Variants in TCF3 observed in about 807,000 individuals in gnomAD.
The protein encoded by TCF3 is transcription factor 3.
TCF3 carries 54 observed loss-of-function variants against 72.3 expected under a neutral mutation model. The observed-to-expected ratio is 0.75, with a 90% CI of 0.60 to 0.94. The LOEUF is 0.94. Among genes scored for constraint, TCF3 ranks in the 40% least tolerant of loss-of-function variants. The pLI is 0.00. For synonymous variants in TCF3, 525 were observed against 412.6 expected (o/e 1.27, Z -3.30); for missense variants, 1,078 against 934.4 (o/e 1.15, Z -2.00).
At position 1,614,515 on chromosome 19, in the gene TCF3, C is replaced by T. The variant is rs886736793; in HGVS notation, c.1822+770G>A. 1.1e-4 allele frequency among the ~76,000 whole-genome samples: 17 copies of T among 151,920 alleles called. No individual in the cohort carries two copies. Among genetic ancestry groups the T allele is most frequent in the Admixed American group, 7.2e-4 (11 of 15,268 alleles). On this transcript the variant is annotated intron_variant, in intron 18 of 18. Coordinates refer to ENST00000262965, the MANE Select transcript of TCF3 (RefSeq NM_003200.5). The surrounding 1 kb of genome is among the most constrained non-coding windows in gnomAD (Gnocchi z 5.6). ...AGCAGAGAGGCGGGCTTGGGGGGCG[C>T]GAGGCGTGCCACACACGGCTGCAGA... is the stretch of plus-strand genomic sequence containing the variant.
Position 1,652,360 on chromosome 19 carries a change from C to CCTT in TCF3, c.-101_-100insAAG. The CCTT allele has an allele frequency of 7.5e-6, 1 of 133,710 alleles. No individual in the cohort carries two copies. The highest frequency in any genetic ancestry group is 7.2e-5 in the Admixed American group (1 of 13,902). 8.3% of individuals were successfully genotyped at this position (133,710 alleles called of 1,614,324 possible). Reference sequence around the variant, plus strand: ...GGGGCGGCGGCATGAAGCGGGGGGGCCCCCCCCCGGACAAAGGTGCGTCGC... The same window carrying CCTT: ...GGGGCGGCGGCATGAAGCGGGGGGGCCTTCCCCCCCCGGACAAAGGTGCGTCGC... On this transcript the variant is annotated 5_prime_UTR_variant, in exon 1 of 19. Transcript: ENST00000262965.
intron 6 of TCF3, among the ~76,000 whole-genome samples, chr19:1,626,020 C>T (rs147284469): frequency 4.0e-4 from 61 of 152,326 alleles, no homozygotes; most frequent in Non-Finnish European, 7.1e-4. Context: ...CGTCTGTGCA[C>T]CCGGCTGCTT....
At chr19:1,634,258 T>C (rs2064099487) in intron 3 of TCF3, among the ~76,000 whole-genome samples, 1 of 152,222 alleles carries the variant, frequency 6.6e-6, no homozygotes, top group Non-Finnish European at 1.5e-5. Context: ...CCACCATGAA[T>C]ATTCATAATG....
intron 2 of TCF3, among the ~76,000 whole-genome samples, chr19:1,648,384 G>A (rs182301992): frequency 2.0e-5 from 3 of 152,250 alleles, no homozygotes; most frequent in East Asian, 1.9e-4. Context: ...CGGGCACCTC[G>A]CCGCTCCCAG....
At chr19:1,644,496 G>A (rs2065788537) in intron 3 of TCF3, among the ~76,000 whole-genome samples, 1 of 152,198 alleles carries the variant, frequency 6.6e-6, no homozygotes, top group African/African-American at 2.4e-5. Flanking sequence ...GGGCCTCACT[G>A]GGCCCTCCAA....
At chr19:1,618,690 T>C (rs1210255418) in intron 16 of TCF3, among the ~76,000 whole-genome samples, 11 of 152,186 alleles carry the variant, frequency 7.2e-5, no homozygotes, top group Admixed American at 7.2e-4. Context: ...AACACCACCT[T>C]GTGGCCTCAT....
At chr19:1,623,223 C>T (rs754700147) in intron 8 of TCF3, among the ~76,000 whole-genome samples, 1 of 152,022 alleles carries the variant, frequency 6.6e-6, no homozygotes, top group Non-Finnish European at 1.5e-5. Flanking sequence ...GCTACTGAGC[C>T]AGGGAATCGG....
At chr19:1,630,946 G>C (rs1279097517) in intron 5 of TCF3, among the ~76,000 whole-genome samples, 1 of 152,226 alleles carries the variant, frequency 6.6e-6, no homozygotes, top group East Asian at 1.9e-4. Context: ...TGTCCCAGTC[G>C]CAGCCCCAGG....
In TCF3 at chr19:1,619,250, G is replaced by A. The variant is rs766921738; in HGVS notation, c.1327-16C>T. 6 of 1,584,550 alleles carry A rather than the reference G, an allele frequency of 3.8e-6. No homozygotes were observed. The South Asian group carries it at 5.6e-5, about 15-fold the overall frequency. ...TGCCTCCAACCTGCAGGCGTGGGGAGACGGGTGCATCAGGGGGAGCCGGGT... is the reference window on the plus strand; with the variant it reads ...TGCCTCCAACCTGCAGGCGTGGGGAAACGGGTGCATCAGGGGGAGCCGGGT... On this transcript the variant is annotated splice_polypyrimidine_tract_variant and intron_variant, in intron 15 of 18. Transcript: ENST00000262965.
chr19:1,621,972 TG>T lies in TCF3; in HGVS notation c.823-3del. On this transcript the variant is annotated splice_region_variant and splice_polypyrimidine_tract_variant and intron_variant, in intron 10 of 18. Transcript: ENST00000262965. ...CTCTGCTCCATGCAGCTGGTAGCCC[TG>T]GGGGGTCAGGCAGGAGGAGGGTGGG... The T allele has an allele frequency of 6.2e-7, 1 of 1,604,854 alleles. No homozygotes were observed. Among genetic ancestry groups the T allele is most frequent in the Admixed American group, 1.7e-5 (1 of 59,216 alleles).
intron 3 of TCF3, among the ~76,000 whole-genome samples, chr19:1,642,947 G>A (rs976846243): frequency 1.3e-5 from 2 of 152,092 alleles, no homozygotes; most frequent in Admixed American, 6.6e-5. Flanking sequence ...ACTTACAATC[G>A]CACGGACAGA....
At chr19:1,647,270 A>G (rs974381869) in intron 2 of TCF3, among the ~76,000 whole-genome samples, 3 of 152,238 alleles carry the variant, frequency 2.0e-5, no homozygotes, top group African/African-American at 7.2e-5. Context: ...CACAGAAAAA[A>G]ACACAACAAG....
intron 3 of TCF3, among the ~76,000 whole-genome samples, chr19:1,638,602 C>G (rs1222912959): frequency 2.0e-5 from 3 of 152,184 alleles, no homozygotes; most frequent in Non-Finnish European, 2.9e-5. Flanking sequence ...AATATACAGG[C>G]TCAATTTTCA....
Position 1,615,307 on chromosome 19 carries a change from C to T in TCF3, c.1800G>A (p.Leu600=), listed in dbSNP as rs2145849267. Residue 600 remains leucine (L), a synonymous_variant, in exon 18 of 19, where the codon CTG becomes CTA. Coordinates refer to ENST00000262965, the MANE Select transcript of TCF3 (RefSeq NM_003200.5). This position sits in a 1 kb window ranked among gnomAD's most constrained non-coding sequence, Gnocchi z 7.3. ...LILHQAVSVI[L]NLEQQVRERN... ...GACCTCGCACTTGCTGCTCCAAGTT[C>T]AGGATGACCGAGACAGCCTGGTGCA... is the stretch of plus-strand genomic sequence containing the variant. 2 of 1,600,408 alleles carry T rather than the reference C, an allele frequency of 1.2e-6. No homozygotes were observed. Among genetic ancestry groups the T allele is most frequent in the Non-Finnish European group, 1.7e-6 (2 of 1,169,396 alleles).
intron 1 of TCF3, among the ~76,000 whole-genome samples, chr19:1,652,081 G>A (rs1473993058): frequency 4.0e-5 from 6 of 149,882 alleles, no homozygotes; most frequent in Non-Finnish European, 6.0e-5. Flanking sequence ...GGGGCGACGC[G>A]GGCCTGGCGA....
At chr19:1,635,028 C>T (rs993591565) in intron 3 of TCF3, among the ~76,000 whole-genome samples, 6 of 152,184 alleles carry the variant, frequency 3.9e-5, no homozygotes, top group African/African-American at 1.4e-4. Context: ...GAAACCCAAT[C>T]GACAGACTTC....
At chr19:1,635,315 C>A (rs974083721) in intron 3 of TCF3, among the ~76,000 whole-genome samples, 1 of 152,340 alleles carries the variant, frequency 6.6e-6, no homozygotes, top group South Asian at 2.1e-4. Flanking sequence ...AGCCCAGTCC[C>A]TGCAGCAGCT....
rs868730341 is a variant in TCF3, at chr19:1,622,209, G to A, written c.667C>T (p.Pro223Ser). 22 of 1,552,316 alleles carry A rather than the reference G, an allele frequency of 1.4e-5. No individual in the cohort carries two copies. Among genetic ancestry groups the A allele is most frequent in the Non-Finnish European group, 1.8e-5 (21 of 1,150,044 alleles). ...GGGGGACTCCAGAGCTCGGCTGAGG[G>A]GTGCAGGCTGCCATCTGTGGAGGGG... ...PFYVADGSLH[P>S]SAELWSPPGQ... Residue 223 changes from proline (P) to serine (S), a missense_variant, in exon 10 of 19, where the codon CCC (proline) becomes TCC (serine). Physicochemically the swap from Pro to Ser is moderately conservative, Grantham distance 74. Coordinates refer to ENST00000262965, the MANE Select transcript of TCF3 (RefSeq NM_003200.5).
intron 11 of TCF3, among the ~76,000 whole-genome samples, 166 bp downstream of exon 11, chr19:1,621,672 C>T (rs1013587989): frequency 5.9e-5 from 9 of 152,204 alleles, no homozygotes; most frequent in African/African-American, 1.9e-4. Context: ...GCCCAACGCA[C>T]GTGGCAGGCC....
Sources: gnomAD v4.1 joint callset for allele counts (sites outside exome capture counted in the v4.1 genomes callset) on GRCh38, gnomAD v4.1.1 for gene constraint, Gnocchi (gnomAD v3.1) non-coding constraint, MANE v1.5 for transcripts, NCBI Gene and HGNC (gene_info 2026-07-23, HGNC 2026-07-21) for gene names.